Variants in ACAD8 observed in about 807,000 individuals in gnomAD.
ACAD8 encodes the protein acyl-CoA dehydrogenase family member 8.
A neutral mutation model predicts 53.1 loss-of-function variants in ACAD8; 47 were observed. The observed-to-expected ratio is 0.89, with a 90% CI of 0.70 to 1.13. The LOEUF is 1.13. Among genes scored for constraint, ACAD8 ranks in the 50% most tolerant of loss-of-function variants. The pLI, the probability that ACAD8 is intolerant of heterozygous loss-of-function variation, is 0.00. For synonymous variants in ACAD8, 198 were observed against 201.3 expected (o/e 0.98, Z 0.14); for missense variants, 494 against 535.0 (o/e 0.92, Z 0.76).
In ACAD8 at chr11:134,265,066, C is replaced by G; in HGVS notation, c.*106C>G. ...AGGAATCATGGATTAGACCCAAGGG[C>G]TGAGCTCCTCTAGGGCAGGACCTGC... On this transcript the variant is annotated 3_prime_UTR_variant, in exon 11 of 11. Coordinates refer to ENST00000281182, the MANE Select transcript of ACAD8 (RefSeq NM_014384.3). 2.4e-6 allele frequency: 3 copies of G among 1,269,840 alleles called. No individual in the cohort carries two copies. In the South Asian group the frequency reaches 3.6e-5, roughly 15 times the overall value. 78.7% of individuals were successfully genotyped at this position (1,269,840 alleles called of 1,614,324 possible). A position where few individuals can be genotyped will look rare whatever the true frequency, so the allele number is the denominator to read the frequency against.
At position 134,257,156 on chromosome 11, in the gene ACAD8, A is replaced by G; in HGVS notation, c.279A>G (p.Thr93=). The G allele has an allele frequency of 6.2e-7, 1 of 1,614,184 alleles. No homozygotes were observed. Among genetic ancestry groups the G allele is most frequent in the Non-Finnish European group, 8.5e-7 (1 of 1,180,038 alleles). The change falls in exon 3 of 11, where the codon ACA becomes ACG. Residue 93 remains threonine, a synonymous_variant. Coordinates refer to ENST00000281182, the MANE Select transcript of ACAD8 (RefSeq NM_014384.3). ...GCTTCGGAGGGGTCTACATACAAAC[A>G]GATGTGGGCGGGTCTGGGCTGTCAC... is the stretch of plus-strand genomic sequence containing the variant. ...QLGFGGVYIQ[T]DVGGSGLSRL... is the part of the protein sequence containing the mutation.
At position 134,265,048 on chromosome 11, in the gene ACAD8, A is replaced by G. The variant is rs80131220; in HGVS notation, c.*88A>G. The stretch of plus-strand genomic sequence containing the variant: ...TGGGCCGCTCTATTCCAAAGGAATC[A>G]TGGATTAGACCCAAGGGCTGAGCTC... On this transcript the variant is annotated 3_prime_UTR_variant, in exon 11 of 11. Transcript: ENST00000281182. The G allele has an allele frequency of 2.1e-6, 3 of 1,435,016 alleles. No individual in the cohort carries two copies. Among genetic ancestry groups the G allele is most frequent in the Admixed American group, 3.3e-5 (2 of 59,790 alleles). The allele number at this position is 1,435,016 out of a possible 1,614,324, so 88.9% of individuals were successfully genotyped here. A position where few individuals can be genotyped will look rare whatever the true frequency, so the allele number is the denominator to read the frequency against.
At chr11:134,260,865 G>T (rs756328963) in intron 6 of ACAD8, 179 bp from the exon 7 acceptor site, 8 of 661,180 alleles carry the variant, frequency 1.2e-5, no homozygotes, top group Non-Finnish European at 1.8e-5. Flanking sequence ...GCTGAAACAG[G>T]TATCTTTCTG....
chr11:134,260,063 G>T (rs1369699160), intron 6 of ACAD8: 6 of 1,213,196 alleles, frequency 4.9e-6, no homozygotes, highest in Non-Finnish European at 6.3e-6. Context: ...GCTCCAGGAA[G>T]AGACGCTTAG....
At chr11:134,255,573 C>A (rs180698839) in intron 1 of ACAD8, among the ~76,000 whole-genome samples, 191 of 152,316 alleles carry the variant, frequency 1.3e-3, no homozygotes, top group African/African-American at 4.3e-3. Context: ...ATGGCCTGAC[C>A]CCAGTCAGAG....
rs923324474 is a variant in ACAD8, at chr11:134,253,596, C to T, written c.-5C>T. 6.3e-6 allele frequency: 10 copies of T among 1,578,612 alleles called. No individual in the cohort carries two copies. The highest frequency in any genetic ancestry group is 7.7e-6 in the Non-Finnish European group (9 of 1,164,750). Reference sequence around the variant, plus strand: ...CTCTTAGCTGAACGCGGAGCTGCGGCGGCTATGCTGTGGAGCGGCTGCCGG... The same window carrying T: ...CTCTTAGCTGAACGCGGAGCTGCGGTGGCTATGCTGTGGAGCGGCTGCCGG... On this transcript the variant is annotated 5_prime_UTR_variant, in exon 1 of 11. Coordinates refer to ENST00000281182, the MANE Select transcript of ACAD8 (RefSeq NM_014384.3).
At position 134,259,091 on chromosome 11, in the gene ACAD8, G is replaced by A; in HGVS notation, c.567+7G>A. 1 of 1,613,746 alleles carries A rather than the reference G, an allele frequency of 6.2e-7. No homozygotes were observed. Among genetic ancestry groups the A allele is most frequent in the Non-Finnish European group, 8.5e-7 (1 of 1,179,652 alleles). On this transcript the variant is annotated splice_region_variant and intron_variant, in intron 5 of 10. Coordinates refer to ENST00000281182, the MANE Select transcript of ACAD8 (RefSeq NM_014384.3). ...CATCCTCAATGGCTCCAAGGTACTA[G>A]CGTGCGTCCTCCCAGAGCACTTTGG...
intron 6 of ACAD8, chr11:134,260,814 T>C (rs1385863630): frequency 7.1e-6 from 4 of 565,410 alleles, no homozygotes; most frequent in Non-Finnish European, 1.3e-5. Context: ...TCAGGTAGAG[T>C]AGACATTAGT....
chr11:134,258,145 C>T (rs753394476), intron 3 of ACAD8: 54 of 342,646 alleles, frequency 1.6e-4, no homozygotes, highest in Non-Finnish European at 2.7e-4. Context: ...CCACCGCACC[C>T]GGCCCCTCTC....
intron 3 of ACAD8, 28 bp from the exon 4 acceptor site, chr11:134,258,487 T>C (rs1209013720): frequency 6.6e-7 from 1 of 1,512,390 alleles, no homozygotes; most frequent in African/African-American, 1.4e-5. Context: ...TTTCTGTCAT[T>C]GTCTTTTCTT....
chr11:134,261,166 G>A lies in ACAD8; in HGVS notation c.828G>A (p.Gly276=), dbSNP rs1366978882. The change falls in exon 7 of 11, where the codon GGG becomes GGA. Residue 276 remains glycine (G), a synonymous_variant. Transcript: ENST00000281182. This position sits in a 1 kb window ranked among gnomAD's most constrained non-coding sequence, Gnocchi z 4.2. ...TTGCCGTGAGAGGACTGAACGGAGGGAGGATCAATATTGGTGAGATACGCA... is the reference window on the plus strand; with the variant it reads ...TTGCCGTGAGAGGACTGAACGGAGGAAGGATCAATATTGGTGAGATACGCA... ...FLIAVRGLNG[G]RINIASCSLG... The A allele has an allele frequency of 1.2e-6, 2 of 1,613,302 alleles. No homozygotes were observed. The highest frequency in any genetic ancestry group is 1.1e-5 in the South Asian group (1 of 90,802).
At position 134,265,301 on chromosome 11, in the gene ACAD8, C is replaced by G; in HGVS notation, c.*341C>G. The G allele has an allele frequency of 3.2e-6, 1 of 313,654 alleles. No individual in the cohort carries two copies. The highest frequency in any genetic ancestry group is 6.0e-6 in the Non-Finnish European group (1 of 167,408). 19.4% of individuals were successfully genotyped at this position (313,654 alleles called of 1,614,324 possible). A position where few individuals can be genotyped will look rare whatever the true frequency, so the allele number is the denominator to read the frequency against. On this transcript the variant is annotated 3_prime_UTR_variant, in exon 11 of 11. Coordinates refer to ENST00000281182, the MANE Select transcript of ACAD8 (RefSeq NM_014384.3). Reference sequence around the variant, plus strand: ...TTGATTAGTCTGCATTTTACTAGTTCACTGGATCCCTCCTCTAGGGGCCTG... The same window carrying G: ...TTGATTAGTCTGCATTTTACTAGTTGACTGGATCCCTCCTCTAGGGGCCTG...
rs534646114 is a variant in ACAD8, at chr11:134,256,063, C to T, written c.110-485C>T. Among the ~76,000 whole-genome samples the T allele has an allele frequency of 5.3e-5, 8 of 152,342 alleles. No homozygotes were observed. The South Asian group carries it at 1.5e-3, about 28-fold the overall frequency. ...CTGGGATTACAGGCATGCGCCACCA[C>T]ACCCAGCTAATTTTTGTATTTTTAG... On this transcript the variant is annotated intron_variant, in intron 1 of 10. Transcript: ENST00000281182.
rs184789467 is a variant in ACAD8, at chr11:134,260,382, T to C, written c.705+637T>C. The C allele has an allele frequency of 1.3e-4, 26 of 204,850 alleles. 1 individual carries two copies. The highest frequency in any genetic ancestry group is 1.1e-3 in the Admixed American group (21 of 18,680). The allele number at this position is 204,850 out of a possible 1,614,324, so 12.7% of individuals were successfully genotyped here. On this transcript the variant is annotated intron_variant, in intron 6 of 10. Transcript: ENST00000281182. ...CATCTCTCTCTAGTTTGTACTGTTA[T>C]GGGGGGACTTTGTGAGAGAAGGCAG...
rs570027144 is a variant in ACAD8, at chr11:134,263,434, G to C, written c.1195+812G>C. 4.7e-5 allele frequency: 46 copies of C among 984,032 alleles called. 1 individual carries two copies. The South Asian group carries it at 1.7e-3, about 36-fold the overall frequency. 61.0% of individuals were successfully genotyped at this position (984,032 alleles called of 1,614,324 possible). ...CAGAGCTTCTGCTCCAGAGGGTCTA[G>C]TGTGGGCCTGGGAATTTGTATCTGC... On this transcript the variant is annotated intron_variant, in intron 10 of 10. Transcript: ENST00000281182.
At position 134,262,651 on chromosome 11, in the gene ACAD8, C is replaced by T. The variant is rs754082416; in HGVS notation, c.1195+29C>T. ...AAAATTGCCAGAGGTTATTCTCTTC[C>T]CTTCAGAACGGGGGCGGGATCGCTG... On this transcript the variant is annotated intron_variant, in intron 10 of 10. Transcript: ENST00000281182. 9 of 1,599,018 alleles carry T rather than the reference C, an allele frequency of 5.6e-6. No individual in the cohort carries two copies. In the Admixed American group the frequency reaches 1.2e-4, roughly 21 times the overall value.
chr11:134,262,485 A>G (rs1030790343), intron 9 of ACAD8, 35 bp from the exon 10 acceptor site: 1 of 1,464,890 alleles, frequency 6.8e-7, no homozygotes, highest in Non-Finnish European at 9.5e-7. Context: ...CAGTCTTCCC[A>G]GAGTCCAAGA....
At position 134,265,269 on chromosome 11, in the gene ACAD8, C is replaced by CT. The variant is rs1455252797; in HGVS notation, c.*312dup. The CT allele has an allele frequency of 6.6e-6, 3 of 453,528 alleles. No individual in the cohort carries two copies. Among genetic ancestry groups the CT allele is most frequent in the Non-Finnish European group, 1.2e-5 (3 of 251,798 alleles). The allele number at this position is 453,528 out of a possible 1,614,324, so 28.1% of individuals were successfully genotyped here. ...CCATGAAAGTCCTTTCTTGGATCCA[C>CT]TTTATCTTGATTAGTCTGCATTTTA... On this transcript the variant is annotated 3_prime_UTR_variant, in exon 11 of 11. Coordinates refer to ENST00000281182, the MANE Select transcript of ACAD8 (RefSeq NM_014384.3).
chr11:134,258,229 A>G (rs1488102406), intron 3 of ACAD8: 6 of 471,570 alleles, frequency 1.3e-5, no homozygotes, highest in African/African-American at 2.0e-5. Context: ...TAGAAAGCAC[A>G]TATAACTCTG....
Sources: gnomAD v4.1 joint callset for allele counts (sites outside exome capture counted in the v4.1 genomes callset) on GRCh38, gnomAD v4.1.1 for gene constraint, Gnocchi (gnomAD v3.1) non-coding constraint, MANE v1.5 for transcripts, NCBI Gene and HGNC (gene_info 2026-07-23, HGNC 2026-07-21) for gene names.